The following GNB1 variants were observed in gnomAD, a reference collection of about 807,000 sequenced individuals.
The protein encoded by GNB1 is G protein subunit beta 1, also known as guanine nucleotide-binding protein G(I)/G(S)/G(T) subunit beta-1.
GNB1 carries 2 observed loss-of-function variants against 42.9 expected under a neutral mutation model. The ratio of observed to expected loss-of-function variants is 0.05; its 90% CI spans 0.02 to 0.15. The LOEUF is 0.15. GNB1 is among the 10% of genes least tolerant of loss of function. GNB1 has a pLI of 1.00. For missense variants in GNB1, 193 were observed against 462.2 expected, an observed-to-expected ratio of 0.42 and a Z score of 5.34; for synonymous variants, 183 against 174.7, an observed-to-expected ratio of 1.05 and a Z score of -0.38.
intron 3 of GNB1, among the ~76,000 whole-genome samples, chr1:1,818,966 T>C (rs963291120): frequency 2.0e-5 from 3 of 152,156 alleles, no homozygotes; most frequent in African/African-American, 7.2e-5. Context: ...CAATCAGATG[T>C]ACATGAGCCT....
At chr1:1,885,549 A>ATTTT (rs1380160228) in intron 1 of GNB1, among the ~76,000 whole-genome samples, 1 of 140,714 alleles carries the variant, frequency 7.1e-6, no homozygotes, top group African/African-American at 2.5e-5. Flanking sequence ...CTTCCACTTA[A>ATTTT]TCTTTTTTTT....
intron 7 of GNB1, among the ~76,000 whole-genome samples, chr1:1,798,107 A>T (rs911827223): frequency 1.3e-5 from 2 of 152,252 alleles, no homozygotes; most frequent in Non-Finnish European, 2.9e-5. Flanking sequence ...AGTAAGAAGG[A>T]AAATGAAAGA....
chr1:1,866,224 G>A lies in GNB1; in HGVS notation c.-96+24596C>T, dbSNP rs181527404. The stretch of plus-strand genomic sequence containing the variant: ...CAAAGTGCTGAGATTACAGGCGTGC[G>A]CCACTGCGCCCAGCCAGAAAACAGT... On this transcript the variant is annotated intron_variant, in intron 1 of 11. Coordinates refer to ENST00000378609, the MANE Select transcript of GNB1 (RefSeq NM_002074.5). Among the ~76,000 whole-genome samples the A allele has an allele frequency of 3.9e-5, 6 of 152,354 alleles. 1 individual carries two copies. Among genetic ancestry groups the A allele is most frequent in the East Asian group, 3.9e-4 (2 of 5,186 alleles).
chr1:1,798,661 G>C (rs1646579629), intron 7 of GNB1, among the ~76,000 whole-genome samples: 1 of 152,224 alleles, frequency 6.6e-6, no homozygotes, highest in Non-Finnish European at 1.5e-5. Context: ...TGGCCCTTAG[G>C]GATCTGCTTT....
At chr1:1,848,615 T>C (rs1447885565) in intron 1 of GNB1, among the ~76,000 whole-genome samples, 4 of 152,180 alleles carry the variant, frequency 2.6e-5, no homozygotes, top group African/African-American at 9.6e-5. Context: ...TATGATTTTC[T>C]TAATATTTTC....
At chr1:1,826,751 G>A (rs568676906) in intron 2 of GNB1, among the ~76,000 whole-genome samples, 6 of 152,236 alleles carry the variant, frequency 3.9e-5, no homozygotes, top group South Asian at 4.1e-4. Flanking sequence ...CTGCCTTCTC[G>A]CCCTACTCAC....
In GNB1 at chr1:1,787,068, G is replaced by T; in HGVS notation, c.*10-15C>A. The T allele has an allele frequency of 2.9e-6, 1 of 345,796 alleles. No individual in the cohort carries two copies. The highest frequency in any genetic ancestry group is 5.4e-6 in the Non-Finnish European group (1 of 185,272). 21.4% of individuals were successfully genotyped at this position (345,796 alleles called of 1,614,324 possible). On this transcript the variant is annotated splice_polypyrimidine_tract_variant and intron_variant, in intron 11 of 11. Coordinates refer to ENST00000378609, the MANE Select transcript of GNB1 (RefSeq NM_002074.5). This position sits in a 1 kb window ranked among gnomAD's most constrained non-coding sequence, Gnocchi z 4.4. Reference sequence around the variant, plus strand: ...GCATCCACATGCTGTTTTAAACAGAGTTTAAAGAAATGTGAAAAGAGGCAG... The same window carrying T: ...GCATCCACATGCTGTTTTAAACAGATTTTAAAGAAATGTGAAAAGAGGCAG...
At chr1:1,823,179 T>C (rs899513743) in intron 3 of GNB1, among the ~76,000 whole-genome samples, 3 of 147,396 alleles carry the variant, frequency 2.0e-5, no homozygotes, top group African/African-American at 7.6e-5. Context: ...GAGGAGGAGC[T>C]TGCAGTGAGC....
chr1:1,884,912 T>C (rs1170428226), intron 1 of GNB1, among the ~76,000 whole-genome samples: 1 of 150,156 alleles, frequency 6.7e-6, no homozygotes, highest in Non-Finnish European at 1.5e-5. Flanking sequence ...CTCGATCTCC[T>C]GACATCGTGA....
At chr1:1,838,975 AC>A (rs1358540913) in intron 2 of GNB1, among the ~76,000 whole-genome samples, 1 of 152,156 alleles carries the variant, frequency 6.6e-6, no homozygotes, top group Non-Finnish European at 1.5e-5. Flanking sequence ...CAGGGTATTG[AC>A]CAGGCATGCT....
intron 5 of GNB1, among the ~76,000 whole-genome samples, chr1:1,807,216 C>T (rs553864786): frequency 1.8e-4 from 28 of 152,040 alleles, no homozygotes; most frequent in Non-Finnish European, 3.7e-4. Flanking sequence ...AATCCCAACA[C>T]TTTGGGAGGC....
At chr1:1,819,145 CG>C (rs558053249) in intron 3 of GNB1, among the ~76,000 whole-genome samples, 63 of 151,322 alleles carry the variant, frequency 4.2e-4, no homozygotes, top group Non-Finnish European at 7.8e-4. Context: ...TAGAAAGGTA[CG>C]TAACATGAAG....
chr1:1,816,356 A>C (rs1646856091), intron 4 of GNB1, among the ~76,000 whole-genome samples: 1 of 152,206 alleles, frequency 6.6e-6, no homozygotes, highest in Non-Finnish European at 1.5e-5. Flanking sequence ...TGCTGAGCCC[A>C]TCCTACATAT....
chr1:1,843,775 C>A (rs1425315411), intron 1 of GNB1, among the ~76,000 whole-genome samples: 1 of 152,126 alleles, frequency 6.6e-6, no homozygotes, highest in Non-Finnish European at 1.5e-5. Context: ...TAGCACTACC[C>A]TTAAAGAACA....
intron 5 of GNB1, among the ~76,000 whole-genome samples, chr1:1,810,528 C>T (rs1434863438): frequency 2.7e-5 from 3 of 110,194 alleles, no homozygotes; most frequent in Middle Eastern, 3.9e-3. Flanking sequence ...AGAGTGAGAC[C>T]CAGTCTCAAA....
chr1:1,849,359 C>G (rs927653559), intron 1 of GNB1, among the ~76,000 whole-genome samples: 1 of 152,186 alleles, frequency 6.6e-6, no homozygotes, highest in Non-Finnish European at 1.5e-5. Flanking sequence ...GAAGAACTTC[C>G]TCCATCTCAC....
At chr1:1,851,119 T>G (rs1006712964) in intron 1 of GNB1, among the ~76,000 whole-genome samples, 1 of 150,978 alleles carries the variant, frequency 6.6e-6, no homozygotes, top group African/African-American at 2.4e-5. Flanking sequence ...AATACAAAAA[T>G]TAGCAAGGCG....
In GNB1 at chr1:1,793,307, G is replaced by A. The variant is rs1278314463; in HGVS notation, c.435C>T (p.Tyr145=). The change falls in exon 8 of 12, where the codon TAC becomes TAT. Residue 145 remains tyrosine, a synonymous_variant. Coordinates refer to ENST00000378609, the MANE Select transcript of GNB1 (RefSeq NM_002074.5). ...CATCCAGGAATCGGCAGCAGGACAG[G>A]TAACCTGGCAAAGAACAGGCCTAAG... ...VSRELAGHTG[Y]LSCCRFLDDN... 2 of 1,612,210 alleles carry A rather than the reference G, an allele frequency of 1.2e-6. No homozygotes were observed. Among genetic ancestry groups the A allele is most frequent in the East Asian group, 4.5e-5 (2 of 44,866 alleles).
chr1:1,810,908 T>TGGAGTCTCACTCTGTTGC (rs1646767368), intron 5 of GNB1, among the ~76,000 whole-genome samples: 1 of 151,918 alleles, frequency 6.6e-6, no homozygotes, highest in East Asian at 1.9e-4. Flanking sequence ...CCTCAGGTGA[T>TGGAGTCTCACTCTGTTGC]CCACCCGCCT....
Sources: allele counts gnomAD v4.1 joint callset (sites outside exome capture counted in the v4.1 genomes callset), GRCh38; gene constraint gnomAD v4.1.1; non-coding constraint Gnocchi (gnomAD v3.1); transcripts MANE v1.5; gene names NCBI Gene and HGNC (gene_info 2026-07-23, HGNC 2026-07-21).